Variants in DDX39B observed in about 807,000 individuals in gnomAD.
The protein encoded by DDX39B is DExD-box helicase 39B.
In DDX39B, 6 loss-of-function variants were observed where a neutral mutation model predicts 46.4. That is an observed-to-expected ratio of 0.13 (90% CI 0.07 to 0.26). DDX39B has a LOEUF of 0.26. Among genes scored for constraint, DDX39B ranks in the 10% least tolerant of loss-of-function variants. DDX39B has a pLI of 1.00. For synonymous variants in DDX39B, 174 were observed against 199.4 expected (o/e 0.87, Z 1.07); for missense variants, 185 against 553.4 (o/e 0.33, Z 6.68).
intron 7 of DDX39B, 128 bp downstream of exon 7, chr6:31,532,652 T>A: frequency 1.6e-6 from 2 of 1,271,524 alleles, no homozygotes; most frequent in Non-Finnish European, 2.2e-6. Context: ...CCCTAAGATA[T>A]TTATACCCTC....
Position 31,539,131 on chromosome 6 carries a change from C to T in DDX39B, c.339+16G>A. On this transcript the variant is annotated intron_variant, in intron 3 of 10. Transcript: ENST00000396172. ...CCTAACCAAAATCCCCTCCCCAGCA[C>T]TCTCCCCAAATATACCTGCCCAGTA... 2 of 1,613,212 alleles carry T rather than the reference C, an allele frequency of 1.2e-6. No individual in the cohort carries two copies. The highest frequency in any genetic ancestry group is 1.1e-5 in the South Asian group (1 of 91,088).
intron 2 of DDX39B, among the ~76,000 whole-genome samples, 186 bp from the exon 3 acceptor site, chr6:31,539,460 T>C (rs905328050): frequency 6.6e-6 from 1 of 152,140 alleles, no homozygotes; most frequent in African/African-American, 2.4e-5. Flanking sequence ...AATCAGACTC[T>C]CCTAATTCCT....
At chr6:31,541,331 C>T in intron 1 of DDX39B, 1 of 403,874 alleles carries the variant, frequency 2.5e-6, no homozygotes, top group Non-Finnish European at 5.1e-6. Context: ...CTCCACCCTA[C>T]AATAAGAAAG....
At position 31,534,302 on chromosome 6, in the gene DDX39B, C is replaced by A. The variant is rs141345968; in HGVS notation, c.735+1065G>T. 892 of 319,188 alleles carry A rather than the reference C, an allele frequency of 2.8e-3. 19 individuals are homozygous for A. The East Asian group carries it at 0.051, about 18-fold the overall frequency. 19.8% of individuals were successfully genotyped at this position (319,188 alleles called of 1,614,324 possible). A position where few individuals can be genotyped will look rare whatever the true frequency, so the allele number is the denominator to read the frequency against. ...GGTGAGCCACCAGGCCCAGCCAAGG[C>A]AGGCTTTCTAAAGAGAAGTTCCATG... On this transcript the variant is annotated intron_variant, in intron 6 of 10. Transcript: ENST00000396172. The surrounding 1 kb of genome is among the most constrained non-coding windows in gnomAD (Gnocchi z 5.1).
At chr6:31,541,273 G>A (rs1768409859) in intron 1 of DDX39B, 1 of 522,546 alleles carries the variant, frequency 1.9e-6, no homozygotes, top group East Asian at 5.5e-5. Flanking sequence ...TGGGGGGGAG[G>A]GGCGGTGCAA....
chr6:31,530,300 A>G lies in DDX39B; in HGVS notation c.*134T>C. On this transcript the variant is annotated 3_prime_UTR_variant, in exon 11 of 11. Transcript: ENST00000396172. The surrounding 1 kb of genome is among the most constrained non-coding windows in gnomAD (Gnocchi z 4.5). ...GACAAATCAGAAATGGGGGTTCAGG[A>G]GTGGTGGTGATGCAAAAGATGGAAG... The G allele has an allele frequency of 9.7e-7, 1 of 1,030,896 alleles. No individual in the cohort carries two copies. The highest frequency in any genetic ancestry group is 1.4e-6 in the Non-Finnish European group (1 of 715,100). 63.9% of individuals were successfully genotyped at this position (1,030,896 alleles called of 1,614,324 possible).
chr6:31,539,649 C>T (rs1054850342), intron 2 of DDX39B, among the ~76,000 whole-genome samples: 2 of 152,138 alleles, frequency 1.3e-5, no homozygotes, highest in Admixed American at 1.3e-4. Context: ...TGCTATACTT[C>T]GGGTCACGTA....
chr6:31,534,477 C>T lies in DDX39B; in HGVS notation c.735+890G>A, dbSNP rs1473989567. 1 of 471,026 alleles carries T rather than the reference C, an allele frequency of 2.1e-6. No individual in the cohort carries two copies. Among genetic ancestry groups the T allele is most frequent in the Non-Finnish European group, 4.4e-6 (1 of 227,014 alleles). 29.2% of individuals were successfully genotyped at this position (471,026 alleles called of 1,614,324 possible). ...AACCCTAACAACCACCCGATTACAT[C>T]CACTTTACCTTTCCTATGTCCCTCT... On this transcript the variant is annotated intron_variant, in intron 6 of 10. Transcript: ENST00000396172. This position sits in a 1 kb window ranked among gnomAD's most constrained non-coding sequence, Gnocchi z 5.1.
At position 31,531,769 on chromosome 6, in the gene DDX39B, T is replaced by C; in HGVS notation, c.868-364A>G. On this transcript the variant is annotated intron_variant, in intron 7 of 10. Transcript: ENST00000396172. The surrounding 1 kb of genome is among the most constrained non-coding windows in gnomAD (Gnocchi z 5.8). Reference sequence around the variant, plus strand: ...AACATTAAACCTAAGGGAGCTATCCTAATTCTAGAAAGCAGTTTTAAATGC... The same window carrying C: ...AACATTAAACCTAAGGGAGCTATCCCAATTCTAGAAAGCAGTTTTAAATGC... The C allele has an allele frequency of 4.1e-6, 1 of 245,712 alleles. No individual in the cohort carries two copies. Among genetic ancestry groups the C allele is most frequent in the Non-Finnish European group, 7.9e-6 (1 of 126,616 alleles). 15.2% of individuals were successfully genotyped at this position (245,712 alleles called of 1,614,324 possible).
At chr6:31,540,219 C>T (rs1768252164) in intron 2 of DDX39B, 103 bp downstream of exon 2, 4 of 1,313,066 alleles carry the variant, frequency 3.0e-6, no homozygotes, top group Admixed American at 1.8e-5. Context: ...CTGATCTAGC[C>T]TTAAGTATAA....
At chr6:31,536,134 G>C (rs1417870657) in intron 5 of DDX39B, among the ~76,000 whole-genome samples, 1 of 152,136 alleles carries the variant, frequency 6.6e-6, no homozygotes, top group Non-Finnish European at 1.5e-5. Context: ...TATAAATTCT[G>C]ACTGTAAATG....
chr6:31,539,473 T>C (rs1768157498), intron 2 of DDX39B, among the ~76,000 whole-genome samples, 199 bp from the exon 3 acceptor site: 1 of 152,198 alleles, frequency 6.6e-6, no homozygotes, highest in African/African-American at 2.4e-5. Context: ...TAATTCCTCC[T>C]AGCTTTAGCC....
chr6:31,538,440 G>A (rs1425756997), intron 4 of DDX39B, among the ~76,000 whole-genome samples: 1 of 152,202 alleles, frequency 6.6e-6, no homozygotes, highest in Non-Finnish European at 1.5e-5. Context: ...ACAGGTGTAA[G>A]CCATTGTGCA....
chr6:31,533,781 C>G (rs1055384), intron 6 of DDX39B: 1 of 152,080 alleles, frequency 6.6e-6, no homozygotes, highest in Non-Finnish European at 1.5e-5. Flanking sequence ...GGACTACAGG[C>G]ACACACCATT....
chr6:31,540,800 C>A, intron 1 of DDX39B, 136 bp from the exon 2 acceptor site: 2 of 545,942 alleles, frequency 3.7e-6, no homozygotes, highest in Non-Finnish European at 6.5e-6. Flanking sequence ...AACATAAAAA[C>A]GAAAAGCAAA....
chr6:31,540,634 G>T lies in DDX39B; in HGVS notation c.-102C>A. ...AGTAGGGGATTGAGGAACAGCAAAG[G>T]AAAACAAAGATACTATTTCTAACAG... is the stretch of plus-strand genomic sequence containing the variant. On this transcript the variant is annotated 5_prime_UTR_variant, in exon 2 of 11. Coordinates refer to ENST00000396172, the MANE Select transcript of DDX39B (RefSeq NM_004640.7). The T allele has an allele frequency of 9.3e-7, 1 of 1,073,266 alleles. No homozygotes were observed. Among genetic ancestry groups the T allele is most frequent in the Non-Finnish European group, 1.4e-6 (1 of 731,534 alleles). 66.5% of individuals were successfully genotyped at this position (1,073,266 alleles called of 1,614,324 possible).
intron 1 of DDX39B, chr6:31,541,390 C>A (rs1768427172): frequency 8.1e-6 from 3 of 372,206 alleles, no homozygotes; most frequent in Non-Finnish European, 1.6e-5. Flanking sequence ...TTAACAGGAT[C>A]TTTACCAAGT....
rs1767619380 is a variant in DDX39B, at chr6:31,534,992, C to T, written c.735+375G>A. ...GTGAGCAGAAGGCTCCAGCTGTACG[C>T]TCGATGCCACCTTGAGGGTGCGTGG... On this transcript the variant is annotated intron_variant, in intron 6 of 10. Coordinates refer to ENST00000396172, the MANE Select transcript of DDX39B (RefSeq NM_004640.7). This position sits in a 1 kb window ranked among gnomAD's most constrained non-coding sequence, Gnocchi z 5.1. The T allele has an allele frequency of 1.3e-5, 4 of 297,520 alleles. No homozygotes were observed. Among genetic ancestry groups the T allele is most frequent in the South Asian group, 3.7e-5 (1 of 26,776 alleles). 18.4% of individuals were successfully genotyped at this position (297,520 alleles called of 1,614,324 possible).
chr6:31,532,535 T>C lies in DDX39B; in HGVS notation c.867+245A>G, dbSNP rs2734584. 3 of 417,768 alleles carry C rather than the reference T, an allele frequency of 7.2e-6. No individual in the cohort carries two copies. The East Asian group carries it at 1.4e-4, about 19-fold the overall frequency. The allele number at this position is 417,768 out of a possible 1,614,324, so 25.9% of individuals were successfully genotyped here. ...GATTACACACATAAGCCACCGTGCC[T>C]GGCCAAGGATCTTAATTTTTGAAGT... On this transcript the variant is annotated intron_variant, in intron 7 of 10. Coordinates refer to ENST00000396172, the MANE Select transcript of DDX39B (RefSeq NM_004640.7).
Sources: allele counts gnomAD v4.1 joint callset (sites outside exome capture counted in the v4.1 genomes callset), GRCh38; gene constraint gnomAD v4.1.1; non-coding constraint Gnocchi (gnomAD v3.1); transcripts MANE v1.5; gene names NCBI Gene and HGNC (gene_info 2026-07-23, HGNC 2026-07-21).